Variants in ERC2 observed in about 807,000 individuals in gnomAD.
ERC2 encodes the protein ELKS/RAB6-interacting/CAST family member 2.
ERC2 carries 42 observed loss-of-function variants against 114.8 expected under a neutral mutation model. That is an observed-to-expected ratio of 0.37 (90% confidence interval 0.29 to 0.47). The LOEUF is 0.47. ERC2 is among the 20% of genes least tolerant of loss of function. The pLI is 0.99. For missense variants in ERC2, 939 were observed against 1,150.7 expected (o/e 0.82, Z 2.66); for synonymous variants, 454 against 425.5 (o/e 1.07, Z -0.82).
At chr3:55,708,876 AAGAG>A (rs2063623040) in intron 15 of ERC2, among the ~76,000 whole-genome samples, 2 of 146,436 alleles carry the variant, frequency 1.4e-5, no homozygotes, top group African/African-American at 2.5e-5. Context: ...AGAGAGAGAG[AAGAG>A]GAGAGGTAAG....
At chr3:55,856,815 T>C (rs973581093) in intron 14 of ERC2, among the ~76,000 whole-genome samples, 1 of 152,150 alleles carries the variant, frequency 6.6e-6, no homozygotes, top group South Asian at 2.1e-4. Flanking sequence ...ATCTGTTCAA[T>C]AGAATATTAT....
chr3:56,010,827 G>C (rs752922720), intron 8 of ERC2, among the ~76,000 whole-genome samples: 20 of 152,196 alleles, frequency 1.3e-4, no homozygotes, highest in Non-Finnish European at 2.2e-4. Flanking sequence ...GCAAAGGAAC[G>C]TAATGTTCAA....
intron 15 of ERC2, among the ~76,000 whole-genome samples, chr3:55,733,124 A>AC (rs2065362615): frequency 6.6e-6 from 1 of 152,182 alleles, no homozygotes; most frequent in African/African-American, 2.4e-5. Flanking sequence ...AACCTGTGGG[A>AC]GAAAGCTACA....
intron 7 of ERC2, among the ~76,000 whole-genome samples, chr3:56,040,626 A>G (rs1004293834): frequency 1.6e-5 from 2 of 122,348 alleles, no homozygotes; most frequent in African/African-American, 5.8e-5. Flanking sequence ...ATAGATGTAT[A>G]TGTATATATA....
intron 17 of ERC2, among the ~76,000 whole-genome samples, chr3:55,598,618 A>G (rs1420085982): frequency 6.6e-6 from 1 of 152,242 alleles, no homozygotes; most frequent in Non-Finnish European, 1.5e-5. Context: ...TGCCTTCCAT[A>G]GCCCTTCCAG....
chr3:56,448,313 G>A (rs1398151232), intron 1 of ERC2, among the ~76,000 whole-genome samples: 3 of 152,192 alleles, frequency 2.0e-5, no homozygotes, highest in Non-Finnish European at 4.4e-5. Context: ...ACAAATGGAT[G>A]CCCAGATACC....
chr3:55,618,223 A>C (rs1284807911), intron 17 of ERC2, among the ~76,000 whole-genome samples: 1 of 152,168 alleles, frequency 6.6e-6, no homozygotes, highest in African/African-American at 2.4e-5. Flanking sequence ...GTTAAATTGG[A>C]AAAGCAAAGC....
chr3:55,991,182 T>C (rs1288808459), intron 11 of ERC2, among the ~76,000 whole-genome samples: 1 of 152,208 alleles, frequency 6.6e-6, no homozygotes, highest in Non-Finnish European at 1.5e-5. Flanking sequence ...CTTGAAGTCC[T>C]TTAGGGCCTC....
At chr3:56,031,852 T>A (rs1412493062) in intron 7 of ERC2, among the ~76,000 whole-genome samples, 1 of 152,156 alleles carries the variant, frequency 6.6e-6, no homozygotes, top group East Asian at 1.9e-4. Context: ...AAAATTCCAC[T>A]GGGATTTTTG....
intron 2 of ERC2, among the ~76,000 whole-genome samples, chr3:56,312,649 C>A (rs991211854): frequency 6.6e-6 from 1 of 150,604 alleles, no homozygotes; most frequent in Non-Finnish European, 1.5e-5. Flanking sequence ...CATCACAATG[C>A]CAGTTCTAGG....
intron 5 of ERC2, among the ~76,000 whole-genome samples, chr3:56,148,699 C>T (rs900027018): frequency 2.6e-5 from 4 of 152,078 alleles, no homozygotes; most frequent in Admixed American, 1.3e-4. Flanking sequence ...AGAGAGTGGA[C>T]TATAAATATG....
At chr3:55,594,416 T>C (rs1274943276) in intron 17 of ERC2, among the ~76,000 whole-genome samples, 1 of 152,022 alleles carries the variant, frequency 6.6e-6, no homozygotes, top group Non-Finnish European at 1.5e-5. Flanking sequence ...TAAGAAAGAA[T>C]CTCCTAGTGG....
intron 15 of ERC2, among the ~76,000 whole-genome samples, chr3:55,709,554 G>A (rs555029104): frequency 1.3e-5 from 2 of 152,252 alleles, no homozygotes; most frequent in African/African-American, 4.8e-5. Flanking sequence ...AGCCCAGAGA[G>A]AATGAACATG....
intron 2 of ERC2, among the ~76,000 whole-genome samples, chr3:56,419,217 A>G (rs2061291516): frequency 1.1e-5 from 1 of 92,460 alleles, no homozygotes; most frequent in Non-Finnish European, 2.1e-5. Flanking sequence ...TAATTCAACA[A>G]AATCATTCGT....
At chr3:56,284,647 C>A (rs12637784) in intron 3 of ERC2, among the ~76,000 whole-genome samples, 52,500 of 151,952 alleles carry the variant, frequency 0.35, 9,933 homozygotes, top group Middle Eastern at 0.45. Context: ...GGGATGACAA[C>A]CTTTACTGTA....
chr3:56,403,661 G>A (rs1450781193), intron 2 of ERC2, among the ~76,000 whole-genome samples: 1 of 152,164 alleles, frequency 6.6e-6, no homozygotes, highest in African/African-American at 2.4e-5. Context: ...GGTAATTAGT[G>A]TGCATCCTAA....
intron 6 of ERC2, among the ~76,000 whole-genome samples, chr3:56,097,720 C>T (rs1297745069): frequency 6.6e-6 from 1 of 152,160 alleles, no homozygotes; most frequent in Non-Finnish European, 1.5e-5. Flanking sequence ...GCAACTCTGA[C>T]ATTCTGTGAT....
At chr3:56,312,672 C>G (rs956107553) in intron 2 of ERC2, among the ~76,000 whole-genome samples, 3 of 150,398 alleles carry the variant, frequency 2.0e-5, no homozygotes, top group Non-Finnish European at 4.4e-5. Flanking sequence ...TTACACTAAA[C>G]TGTTTTGCTC....
chr3:56,382,332 T>A (rs2059783712), intron 2 of ERC2, among the ~76,000 whole-genome samples: 1 of 152,044 alleles, frequency 6.6e-6, no homozygotes, highest in Admixed American at 6.6e-5. Context: ...ATGTCTCTCA[T>A]CTCAAAAAGG....
Sources: allele counts gnomAD v4.1 joint callset (sites outside exome capture counted in the v4.1 genomes callset), GRCh38; gene constraint gnomAD v4.1.1; transcripts MANE v1.5; gene names NCBI Gene and HGNC (gene_info 2026-07-23, HGNC 2026-07-21).